SLC9A9: variants seen among roughly 807,000 people sequenced by gnomAD.
SLC9A9 encodes the protein solute carrier family 9 member A9.
A neutral mutation model predicts 77.8 loss-of-function variants in SLC9A9; 62 were observed. The observed-to-expected ratio is 0.80, with a 90% confidence interval of 0.65 to 0.98. The LOEUF is 0.98. Ranked by LOEUF, SLC9A9 falls within the 50% of genes least tolerant of loss-of-function variation. The pLI is 0.00. For missense variants in SLC9A9, 775 were observed against 774.9 expected (o/e 1.00, Z 0.00); for synonymous variants, 320 against 283.5 (o/e 1.13, Z -1.29).
chr3:143,667,007 A>G (rs1161389079), intron 5 of SLC9A9, among the ~76,000 whole-genome samples: 7 of 152,346 alleles, frequency 4.6e-5, no homozygotes, highest in South Asian at 2.1e-4. Context: ...GAACCAAAAA[A>G]GAGCCTGCAT....
chr3:143,642,518 A>G (rs1191077938), intron 6 of SLC9A9, among the ~76,000 whole-genome samples: 1 of 152,094 alleles, frequency 6.6e-6, no homozygotes, highest in Non-Finnish European at 1.5e-5. Context: ...TAAACCTAAA[A>G]CCTGCAATGT....
intron 12 of SLC9A9, among the ~76,000 whole-genome samples, chr3:143,464,925 T>C (rs1400760283): frequency 1.3e-5 from 2 of 152,244 alleles, no homozygotes; most frequent in African/African-American, 2.4e-5. Context: ...TTTAGTTTTC[T>C]CATGATTGGG....
chr3:143,737,188 T>G (rs1934960636), intron 4 of SLC9A9, among the ~76,000 whole-genome samples: 1 of 152,204 alleles, frequency 6.6e-6, no homozygotes, highest in Non-Finnish European at 1.5e-5. Context: ...AACAACATTT[T>G]CTGCTCCAGT....
chr3:143,609,627 T>C (rs754133148), intron 6 of SLC9A9, among the ~76,000 whole-genome samples: 1 of 152,200 alleles, frequency 6.6e-6, no homozygotes, highest in Non-Finnish European at 1.5e-5. Flanking sequence ...ACCTAAATAC[T>C]GTTACTATTC....
At chr3:143,621,015 T>A (rs544599453) in intron 6 of SLC9A9, among the ~76,000 whole-genome samples, 1 of 152,132 alleles carries the variant, frequency 6.6e-6, no homozygotes, top group Non-Finnish European at 1.5e-5. Flanking sequence ...GCCTCGCTCA[T>A]TGCTAGCACA....
intron 5 of SLC9A9, among the ~76,000 whole-genome samples, chr3:143,668,353 G>T (rs922088057): frequency 2.8e-5 from 3 of 107,314 alleles, no homozygotes; most frequent in African/African-American, 7.0e-5. Flanking sequence ...AGGGGGGAGG[G>T]ATAGCATTAG....
intron 4 of SLC9A9, among the ~76,000 whole-genome samples, chr3:143,700,764 A>G (rs756784977): frequency 2.0e-5 from 3 of 152,258 alleles, no homozygotes; most frequent in Admixed American, 6.5e-5. Context: ...GGAAGGATAC[A>G]AGACTGGCTG....
chr3:143,693,214 T>C lies in SLC9A9; in HGVS notation c.627A>G (p.Ser209=). ...TACCTGGATCTGTAGCAGACATCAG[T>C]GAACCAAAAAATAAACAGTCAGTGA... ...FHFTDCLFFG[S]LMSATDPVTV... is the part of the protein sequence containing the mutation. Residue 209 remains serine (S), a synonymous_variant, in exon 5 of 16, where the codon TCA becomes TCG. Transcript: ENST00000316549. 6.2e-7 allele frequency: 1 copy of C among 1,613,148 alleles called. No individual in the cohort carries two copies. Among genetic ancestry groups the C allele is most frequent in the Non-Finnish European group, 8.5e-7 (1 of 1,179,436 alleles).
At chr3:143,477,330 A>ATTT (rs59195338) in intron 11 of SLC9A9, among the ~76,000 whole-genome samples, 6,166 of 99,880 alleles carry the variant, frequency 0.062, 264 homozygotes, top group South Asian at 0.1. Context: ...GGCTTCTTCA[A>ATTT]TTTTTTTTTT....
chr3:143,765,023 T>C (rs7630835), intron 4 of SLC9A9, among the ~76,000 whole-genome samples: 5 of 148,680 alleles, frequency 3.4e-5, no homozygotes, highest in African/African-American at 1.3e-4. Context: ...CTCTTTCTCT[T>C]TCTTTCTCTC....
At chr3:143,313,544 C>T (rs1218037381) in intron 14 of SLC9A9, among the ~76,000 whole-genome samples, 1 of 152,152 alleles carries the variant, frequency 6.6e-6, no homozygotes, top group East Asian at 1.9e-4. Flanking sequence ...CCTTTTTGGT[C>T]ATAAGATTTC....
At chr3:143,651,664 A>T (rs894935408) in intron 6 of SLC9A9, among the ~76,000 whole-genome samples, 8 of 152,310 alleles carry the variant, frequency 5.3e-5, no homozygotes, top group East Asian at 3.9e-4. Context: ...TCTAAAGGGG[A>T]GGTAAGGAAA....
chr3:143,790,983 A>G (rs1223574716), intron 4 of SLC9A9, among the ~76,000 whole-genome samples: 2 of 152,242 alleles, frequency 1.3e-5, no homozygotes, highest in African/African-American at 4.8e-5. Flanking sequence ...ATGTGCTGAC[A>G]GTGAGCTTCA....
chr3:143,499,629 T>C (rs1333556360), intron 9 of SLC9A9, among the ~76,000 whole-genome samples: 2 of 152,262 alleles, frequency 1.3e-5, no homozygotes, highest in East Asian at 3.9e-4. Context: ...TTTGTTTGTT[T>C]CATTACACTT....
intron 14 of SLC9A9, among the ~76,000 whole-genome samples, chr3:143,306,725 T>C (rs917230608): frequency 2.0e-5 from 3 of 152,170 alleles, no homozygotes; most frequent in Non-Finnish European, 4.4e-5. Flanking sequence ...CCTCAACACA[T>C]TCTCCACATT....
At chr3:143,449,927 A>G (rs1170397246) in intron 12 of SLC9A9, among the ~76,000 whole-genome samples, 1 of 95,914 alleles carries the variant, frequency 1.0e-5, no homozygotes, top group Non-Finnish European at 1.8e-5. Context: ...CATAATATAT[A>G]TTACATGTAT....
intron 4 of SLC9A9, among the ~76,000 whole-genome samples, chr3:143,766,714 T>TGCCA (rs1477685113): frequency 6.6e-6 from 1 of 152,088 alleles, no homozygotes; most frequent in Non-Finnish European, 1.5e-5. Flanking sequence ...GAACTACAGG[T>TGCCA]GCCACCACCT....
intron 14 of SLC9A9, among the ~76,000 whole-genome samples, chr3:143,274,200 T>C (rs73868703): frequency 0.032 from 4,900 of 152,298 alleles, 99 homozygotes; most frequent in Middle Eastern, 0.061. Flanking sequence ...GTTATAAGGG[T>C]AAAATGCTTG....
intron 13 of SLC9A9, among the ~76,000 whole-genome samples, 176 bp from the exon 14 acceptor site, chr3:143,363,739 A>G (rs941425458): frequency 6.6e-6 from 1 of 152,222 alleles, no homozygotes; most frequent in South Asian, 2.1e-4. Flanking sequence ...AAATCTTGCT[A>G]TGTGGATGAG....
Sources: allele counts gnomAD v4.1 joint callset (sites outside exome capture counted in the v4.1 genomes callset), GRCh38; gene constraint gnomAD v4.1.1; transcripts MANE v1.5; gene names NCBI Gene and HGNC (gene_info 2026-07-23, HGNC 2026-07-21).